Variants in XYLT1 observed in about 807,000 individuals in gnomAD.
The protein encoded by XYLT1 is xylosyltransferase 1, also known as beta-D-xylosyltransferase 1.
XYLT1 carries 36 observed loss-of-function variants against 91.3 expected under a neutral mutation model. The ratio of observed to expected loss-of-function variants is 0.39; its 90% confidence interval spans 0.30 to 0.52. The LOEUF (loss-of-function observed/expected upper bound fraction) is 0.52. XYLT1 is among the 20% of genes least tolerant of loss of function. XYLT1 has a pLI of 0.68. For missense variants in XYLT1, 1,242 were observed against 1,284.5 expected, an observed-to-expected ratio of 0.97 and a Z score of 0.51; for synonymous variants, 588 against 532.0, an observed-to-expected ratio of 1.11 and a Z score of -1.45.
chr16:17,122,700 G>T (rs1909089), intron 10 of XYLT1, among the ~76,000 whole-genome samples: 1 of 152,172 alleles, frequency 6.6e-6, no homozygotes, highest in Admixed American at 6.6e-5. Flanking sequence ...TTATCTTCTA[G>T]AATTTGTATG....
At chr16:17,151,886 A>G (rs16968513) in intron 6 of XYLT1, among the ~76,000 whole-genome samples, 3,200 of 152,278 alleles carry the variant, frequency 0.021, 120 homozygotes, top group African/African-American at 0.073. Context: ...GCAGAAAAAG[A>G]AGCTCAAGTA....
At chr16:17,162,692 T>A (rs949626279) in intron 5 of XYLT1, among the ~76,000 whole-genome samples, 1 of 152,240 alleles carries the variant, frequency 6.6e-6, no homozygotes, top group Non-Finnish European at 1.5e-5. Context: ...CTATTAGAAA[T>A]GCCATACTTC....
intron 1 of XYLT1, among the ~76,000 whole-genome samples, chr16:17,451,769 C>T (rs2036668655): frequency 6.6e-6 from 1 of 152,150 alleles, no homozygotes; most frequent in African/African-American, 2.4e-5. Context: ...CCCCAGGGAC[C>T]TGCTCCCCAG....
intron 2 of XYLT1, among the ~76,000 whole-genome samples, chr16:17,354,497 G>A (rs937650746): frequency 4.6e-5 from 7 of 152,182 alleles, no homozygotes; most frequent in Admixed American, 1.3e-4. Context: ...CTGCACAGCC[G>A]TGTTCTAATG....
intron 5 of XYLT1, among the ~76,000 whole-genome samples, chr16:17,180,770 C>T (rs2032050041): frequency 6.6e-6 from 1 of 152,192 alleles, no homozygotes. Flanking sequence ...AGAGACACTC[C>T]ATCTGACCTT....
chr16:17,288,555 C>T (rs1298377419), intron 2 of XYLT1, among the ~76,000 whole-genome samples: 1 of 152,168 alleles, frequency 6.6e-6, no homozygotes, highest in Non-Finnish European at 1.5e-5. Context: ...CCTGCTGCTT[C>T]TCCCAAGAGG....
In XYLT1 at chr16:17,348,040, C is replaced by T. The variant is rs148145029; in HGVS notation, c.402+9972G>A. Among the ~76,000 whole-genome samples, 490 of 152,224 alleles carry T rather than the reference C, an allele frequency of 3.2e-3. 8 individuals carry two copies. The Middle Eastern group carries it at 0.054, about 17-fold the overall frequency. On this transcript the variant is annotated intron_variant, in intron 2 of 11. Coordinates refer to ENST00000261381, the MANE Select transcript of XYLT1 (RefSeq NM_022166.4). ...TCTCTTCCCACCTTCCTATCTCCTA[C>T]CAGTTCCTCTACTTGGCCAAAGCAA...
At chr16:17,387,826 T>C (rs2035765705) in intron 1 of XYLT1, among the ~76,000 whole-genome samples, 1 of 152,234 alleles carries the variant, frequency 6.6e-6, no homozygotes, top group South Asian at 2.1e-4. Flanking sequence ...CTATTTCTGC[T>C]GTAGACACCA....
intron 1 of XYLT1, among the ~76,000 whole-genome samples, chr16:17,384,400 C>G (rs1156299972): frequency 6.6e-6 from 1 of 151,786 alleles, no homozygotes; most frequent in Admixed American, 6.6e-5. Context: ...AAGAGGTCAC[C>G]CACTGATCAC....
chr16:17,211,469 G>A (rs908623071), intron 3 of XYLT1, among the ~76,000 whole-genome samples: 4 of 152,190 alleles, frequency 2.6e-5, no homozygotes, highest in African/African-American at 9.7e-5. Context: ...AGTCTGTGGA[G>A]AAACACTGTC....
intron 10 of XYLT1, among the ~76,000 whole-genome samples, chr16:17,126,293 G>A (rs1225806521): frequency 6.6e-6 from 1 of 152,156 alleles, no homozygotes; most frequent in Non-Finnish European, 1.5e-5. Context: ...CTGATAAACA[G>A]GGAGAGCCCA....
At chr16:17,254,535 C>T (rs1407230771) in intron 3 of XYLT1, among the ~76,000 whole-genome samples, 1 of 152,126 alleles carries the variant, frequency 6.6e-6, no homozygotes, top group Non-Finnish European at 1.5e-5. Context: ...GCTGGGATTA[C>T]AGGCATGCGC....
chr16:17,117,452 T>G (rs1966854616), intron 11 of XYLT1, among the ~76,000 whole-genome samples, 194 bp downstream of exon 11: 2 of 152,148 alleles, frequency 1.3e-5, no homozygotes, highest in Non-Finnish European at 2.9e-5. Context: ...ACAGATGACA[T>G]CATCTCCGTG....
At chr16:17,381,027 C>A (rs1002684333) in intron 1 of XYLT1, among the ~76,000 whole-genome samples, 1 of 152,140 alleles carries the variant, frequency 6.6e-6, no homozygotes, top group Non-Finnish European at 1.5e-5. Flanking sequence ...AGGGGCTATA[C>A]TTTGTTGTCG....
chr16:17,458,410 A>G (rs2036772725), intron 1 of XYLT1, among the ~76,000 whole-genome samples: 3 of 152,204 alleles, frequency 2.0e-5, no homozygotes, highest in Admixed American at 2.0e-4. Context: ...ACGCACATGA[A>G]ATGTCCAGAA....
chr16:17,392,726 G>A (rs1422383142), intron 1 of XYLT1, among the ~76,000 whole-genome samples: 1 of 152,096 alleles, frequency 6.6e-6, no homozygotes, highest in Non-Finnish European at 1.5e-5. Context: ...TATCTCTCCA[G>A]GTGGCCTCCC....
chr16:17,154,797 T>C (rs1231324716), intron 6 of XYLT1, among the ~76,000 whole-genome samples: 2 of 152,186 alleles, frequency 1.3e-5, no homozygotes, highest in African/African-American at 4.8e-5. Context: ...GAAGTCCAAA[T>C]TGGCTGCTAA....
chr16:17,452,710 A>G (rs1014679087), intron 1 of XYLT1, among the ~76,000 whole-genome samples: 1 of 152,214 alleles, frequency 6.6e-6, no homozygotes, highest in East Asian at 1.9e-4. Context: ...AATTTTCAAT[A>G]TATCTTATTG....
chr16:17,341,569 T>C (rs2035063844), intron 2 of XYLT1, among the ~76,000 whole-genome samples: 1 of 152,210 alleles, frequency 6.6e-6, no homozygotes, highest in Non-Finnish European at 1.5e-5. Flanking sequence ...ACAAAGTAAT[T>C]GCAGTTCTTG....
Sources: gnomAD v4.1 joint callset for allele counts (sites outside exome capture counted in the v4.1 genomes callset) on GRCh38, gnomAD v4.1.1 for gene constraint, MANE v1.5 for transcripts, NCBI Gene and HGNC (gene_info 2026-07-23, HGNC 2026-07-21) for gene names.